KCNK10: variants seen among roughly 807,000 people sequenced by gnomAD.
KCNK10 encodes the protein potassium two pore domain channel subfamily K member 10, also known as potassium channel subfamily K member 10.
A neutral mutation model predicts 47.7 loss-of-function variants in KCNK10; 25 were observed. That is an observed-to-expected ratio of 0.52 (90% CI 0.38 to 0.73). The LOEUF (loss-of-function observed/expected upper bound fraction) is 0.73. KCNK10 is among the 30% of genes least tolerant of loss of function. The probability of loss-of-function intolerance (pLI) is 0.00; values close to 1 mark genes in which losing one functional copy is unlikely to be tolerated. For synonymous variants in KCNK10, 303 were observed against 285.6 expected (o/e 1.06, Z -0.61); for missense variants, 563 against 714.5 (o/e 0.79, Z 2.42).
At chr14:88,324,955 G>GT (rs1888630921), upstream of KCNK10, among the ~76,000 whole-genome samples, 1 of 152,096 alleles carries the variant, frequency 6.6e-6, no homozygotes, top group South Asian at 2.1e-4. Flanking sequence ...TGCAAACCCC[G>GT]TTCAGGCAAA....
At chr14:88,218,086 C>T (rs1223143289) in intron 4 of KCNK10, among the ~76,000 whole-genome samples, 5 of 152,016 alleles carry the variant, frequency 3.3e-5, no homozygotes, top group African/African-American at 1.2e-4. Flanking sequence ...CTTGAACTCC[C>T]GGGCTCAAGT....
rs1886432884 is a variant in KCNK10, at chr14:88,240,765, T to C, written c.458A>G (p.Asn153Ser). The C allele has an allele frequency of 6.2e-7, 1 of 1,613,758 alleles. No individual in the cohort carries two copies. The highest frequency in any genetic ancestry group is 1.3e-5 in the African/African-American group (1 of 74,882). The change falls in exon 3 of 7, where the codon AAC (asparagine) becomes AGC (serine). Residue 153 changes from asparagine to serine, a missense_variant. Asn to Ser is a conservative substitution (Grantham distance 46). Transcript: ENST00000319231. The stretch of plus-strand genomic sequence containing the variant: ...ACTGCCGAGGTCCCAGTGGCTGCTG[T>C]TGTTGGAAGAGTTTCCTATTGGACT... ...GVSPIGNSSN[N>S]SSHWDLGSAF... is the part of the protein sequence containing the mutation.
chr14:88,307,325 G>C (rs1439989200), intron 1 of KCNK10, among the ~76,000 whole-genome samples: 1 of 64,700 alleles, frequency 1.5e-5, no homozygotes, highest in Non-Finnish European at 3.5e-5. Context: ...GAAAGAAGCT[G>C]ATCACACACA....
Position 88,181,127 on chromosome 14 carries a change from C to A in KCNK10, c.*4408G>T, listed in dbSNP as rs2139813084. ...TGAATGTTTGTTTTCCTACGCCTTT[C>A]CCGTGGTTCAGAAACCCTGGTACAC... On this transcript the variant is annotated 3_prime_UTR_variant, in exon 7 of 7. Transcript: ENST00000319231. 3.5e-6 allele frequency: 1 copy of A among 282,594 alleles called. No homozygotes were observed. Among genetic ancestry groups the A allele is most frequent in the Non-Finnish European group, 6.5e-6 (1 of 153,078 alleles). The allele number at this position is 282,594 out of a possible 1,614,324, so 17.5% of individuals were successfully genotyped here.
Position 88,323,072 on chromosome 14 carries a change from A to G in KCNK10, c.-274T>C. 1 of 1,277,302 alleles carries G rather than the reference A, an allele frequency of 7.8e-7. No homozygotes were observed. Among genetic ancestry groups the G allele is most frequent in the Non-Finnish European group, 1.0e-6 (1 of 1,003,792 alleles). The allele number at this position is 1,277,302 out of a possible 1,614,324, so 79.1% of individuals were successfully genotyped here. A position where few individuals can be genotyped will look rare whatever the true frequency, so the allele number is the denominator to read the frequency against. On this transcript the variant is annotated 5_prime_UTR_variant, in exon 1 of 7. Coordinates refer to ENST00000319231, the MANE Select transcript of KCNK10 (RefSeq NM_138317.3). ...AAGTAAGATCGGCGAGGGGTGGATG[A>G]AAGGATGGAGAGGAAGGCTTGGGGA...
chr14:88,217,233 G>A (rs1235972103), intron 4 of KCNK10, among the ~76,000 whole-genome samples: 1 of 152,166 alleles, frequency 6.6e-6, no homozygotes, highest in Non-Finnish European at 1.5e-5. Context: ...TTATAATATG[G>A]TATGTACTAG....
intron 4 of KCNK10, among the ~76,000 whole-genome samples, chr14:88,213,775 G>A (rs1308958801): frequency 7.3e-6 from 1 of 136,854 alleles, no homozygotes; most frequent in Non-Finnish European, 1.7e-5. Context: ...AAGATATGAG[G>A]AAAGAGCTAA....
chr14:88,274,549 T>TAAAAAAAAA lies in KCNK10; in HGVS notation c.53-11007_53-10999dup, dbSNP rs3994047. Among the ~76,000 whole-genome samples the TAAAAAAAAA allele has an allele frequency of 4.9e-5, 2 of 40,502 alleles. 1 individual carries two copies. Among genetic ancestry groups the TAAAAAAAAA allele is most frequent in the Non-Finnish European group, 8.1e-5 (2 of 24,792 alleles). 26.6% of individuals were successfully genotyped at this position (40,502 alleles called of 152,430 possible). A position where few individuals can be genotyped will look rare whatever the true frequency, so the allele number is the denominator to read the frequency against. On this transcript the variant is annotated intron_variant, in intron 1 of 6. Coordinates refer to ENST00000319231, the MANE Select transcript of KCNK10 (RefSeq NM_138317.3). ...CTGGGTGACAGAGTGAGACTCTATC[T>TAAAAAAAAA]AAAAAAAAAAAAAAAAAGATCTTAT...
intron 1 of KCNK10, among the ~76,000 whole-genome samples, chr14:88,308,968 T>G (rs10148955): frequency 6.6e-6 from 1 of 152,064 alleles, no homozygotes; most frequent in African/African-American, 2.4e-5. Context: ...TTGTCAAATG[T>G]GTGCCTGAAA....
chr14:88,290,610 C>T (rs1450623184), intron 1 of KCNK10, among the ~76,000 whole-genome samples: 2 of 152,090 alleles, frequency 1.3e-5, no homozygotes, highest in Admixed American at 6.6e-5. Context: ...ATGGAGAAAT[C>T]GAGGCACAGG....
Position 88,182,388 on chromosome 14 carries a change from T to C in KCNK10, c.*3147A>G, listed in dbSNP as rs1471548325. 1.3e-5 allele frequency: 2 copies of C among 152,326 alleles called. No homozygotes were observed. 9.4% of individuals were successfully genotyped at this position (152,326 alleles called of 1,614,324 possible). A position where few individuals can be genotyped will look rare whatever the true frequency, so the allele number is the denominator to read the frequency against. Reference sequence around the variant, plus strand: ...ATGCATGTATAGAATGTGTAGCAGCTTTGACCTATCACGTGTATTCTACAT... The same window carrying C: ...ATGCATGTATAGAATGTGTAGCAGCCTTGACCTATCACGTGTATTCTACAT... On this transcript the variant is annotated 3_prime_UTR_variant, in exon 7 of 7. Transcript: ENST00000319231.
At chr14:88,247,423 T>C (rs1346966494) in intron 2 of KCNK10, among the ~76,000 whole-genome samples, 1 of 152,000 alleles carries the variant, frequency 6.6e-6, no homozygotes, top group South Asian at 2.1e-4. Flanking sequence ...GACCAGACCA[T>C]AAAAAGGTAA....
chr14:88,305,740 G>A (rs542196245), intron 1 of KCNK10, among the ~76,000 whole-genome samples: 66 of 152,274 alleles, frequency 4.3e-4, no homozygotes, highest in African/African-American at 1.1e-3. Flanking sequence ...TGAAGAAATC[G>A]CCAGTAGGGA....
chr14:88,326,165 C>T (rs990313142), upstream of KCNK10, among the ~76,000 whole-genome samples: 1 of 145,112 alleles, frequency 6.9e-6, no homozygotes, highest in Non-Finnish European at 1.5e-5. Flanking sequence ...AGAATGTAGA[C>T]AAAAGCAAGT....
In KCNK10 at chr14:88,186,107, C is replaced by A. The variant is rs1199996142; in HGVS notation, c.1060G>T (p.Ala354Ser). 6.2e-7 allele frequency: 1 copy of A among 1,607,962 alleles called. No homozygotes were observed. Among genetic ancestry groups the A allele is most frequent in the Non-Finnish European group, 8.5e-7 (1 of 1,177,718 alleles). Residue 354 changes from alanine (A) to serine (S), a missense_variant, in exon 7 of 7, where the codon GCT becomes TCT. Ala to Ser is a moderately conservative substitution (Grantham distance 99). Coordinates refer to ENST00000319231, the MANE Select transcript of KCNK10 (RefSeq NM_138317.3). The surrounding 1 kb of genome is among the most constrained non-coding windows in gnomAD (Gnocchi z 5.5). ...CTTCGCCGTGTCTCCCGGAACTCAG[C>A]CGTGACATTGGCCTTCCACTCTGCC... ...HAAEWKANVT[A>S]EFRETRRRLS...
Position 88,299,370 on chromosome 14 carries a change from C to T in KCNK10, c.52+23377G>A, listed in dbSNP as rs913186890. Among the ~76,000 whole-genome samples, 3 of 152,208 alleles carry T rather than the reference C, an allele frequency of 2.0e-5. No homozygotes were observed. The South Asian group carries it at 6.2e-4, about 31-fold the overall frequency. ...ACCTGTCAGGCCTACATCTCACTTT[C>T]TCATTGGTGTGCCATTCTCTCTCTG... is the stretch of plus-strand genomic sequence containing the variant. On this transcript the variant is annotated intron_variant, in intron 1 of 6. Coordinates refer to ENST00000319231, the MANE Select transcript of KCNK10 (RefSeq NM_138317.3).
upstream of KCNK10, chr14:88,326,457 C>A (rs747656699): frequency 3.1e-6 from 5 of 1,612,990 alleles, no homozygotes; most frequent in Admixed American, 8.3e-5. Context: ...AAAAAACATC[C>A]AAGAAAGATG....
intron 4 of KCNK10, among the ~76,000 whole-genome samples, chr14:88,207,854 G>T (rs189285091): frequency 6.6e-6 from 1 of 152,130 alleles, no homozygotes. Flanking sequence ...TGTTATTTGG[G>T]GGGGGTGTTG....
chr14:88,190,163 A>G (rs1884700715), intron 5 of KCNK10, among the ~76,000 whole-genome samples: 1 of 152,186 alleles, frequency 6.6e-6, no homozygotes, highest in Non-Finnish European at 1.5e-5. Context: ...TCTCACTCCC[A>G]GGCCTCTGCT....
Sources: allele counts gnomAD v4.1 joint callset (sites outside exome capture counted in the v4.1 genomes callset), GRCh38; gene constraint gnomAD v4.1.1; non-coding constraint Gnocchi (gnomAD v3.1); transcripts MANE v1.5; gene names NCBI Gene and HGNC (gene_info 2026-07-23, HGNC 2026-07-21).